Variants in COL24A1 observed in about 807,000 individuals in gnomAD.
The protein encoded by COL24A1 is collagen type XXIV alpha 1 chain, also known as collagen alpha-1(XXIV) chain.
A neutral mutation model predicts 253.9 loss-of-function variants in COL24A1; 224 were observed. The observed-to-expected ratio is 0.88, with a 90% CI of 0.79 to 0.99. The LOEUF (loss-of-function observed/expected upper bound fraction) is 0.99. Ranked by LOEUF, COL24A1 falls within the 50% of genes least tolerant of loss-of-function variation. The pLI, the probability that COL24A1 is intolerant of heterozygous loss-of-function variation, is 0.00. For synonymous variants in COL24A1, 685 were observed against 673.7 expected (o/e 1.02, Z -0.26); for missense variants, 2,131 against 2,068.5 (o/e 1.03, Z -0.59).
At chr1:86,007,233 CA>C (rs1696057605) in intron 19 of COL24A1, among the ~76,000 whole-genome samples, 8 of 151,874 alleles carry the variant, frequency 5.3e-5, no homozygotes, top group Non-Finnish European at 7.4e-5. Context: ...AACAAACAAA[CA>C]AACCCACCAC....
At chr1:85,755,003 C>T (rs752480013) in intron 55 of COL24A1, among the ~76,000 whole-genome samples, 1 of 152,092 alleles carries the variant, frequency 6.6e-6, no homozygotes, top group Non-Finnish European at 1.5e-5. Flanking sequence ...CCAGACACAT[C>T]ATAATCAAAC....
chr1:85,763,658 A>AT (rs530875238), intron 53 of COL24A1, among the ~76,000 whole-genome samples: 424 of 150,942 alleles, frequency 2.8e-3, no homozygotes, highest in African/African-American at 7.2e-3. Context: ...CTCCTGGCTA[A>AT]TTTTTTTTGT....
chr1:85,953,986 C>A (rs1690186982), intron 24 of COL24A1, among the ~76,000 whole-genome samples: 1 of 152,104 alleles, frequency 6.6e-6, no homozygotes, highest in Non-Finnish European at 1.5e-5. Context: ...ATACTCACAT[C>A]TGAAAAAGAC....
At chr1:85,923,059 A>G (rs1273849568) in intron 24 of COL24A1, among the ~76,000 whole-genome samples, 1 of 152,242 alleles carries the variant, frequency 6.6e-6, no homozygotes, top group Non-Finnish European at 1.5e-5. Context: ...AACAAAGATC[A>G]AAAGAGACAA....
chr1:85,957,593 C>T (rs966124957), intron 24 of COL24A1, among the ~76,000 whole-genome samples: 2 of 152,140 alleles, frequency 1.3e-5, no homozygotes, highest in African/African-American at 2.4e-5. Flanking sequence ...AGGATCCTCC[C>T]CTGATTTGCA....
At chr1:86,087,427 A>G (rs1703143448) in intron 7 of COL24A1, among the ~76,000 whole-genome samples, 2 of 152,150 alleles carry the variant, frequency 1.3e-5, no homozygotes, top group Non-Finnish European at 2.9e-5. Flanking sequence ...ATCTGCTCTA[A>G]TGGTTAAAAT....
chr1:85,809,575 A>C (rs901320503), intron 47 of COL24A1, among the ~76,000 whole-genome samples: 2 of 152,032 alleles, frequency 1.3e-5, no homozygotes, highest in African/African-American at 4.8e-5. Flanking sequence ...CCTCCTCCAA[A>C]GTAGAGATAA....
At chr1:85,877,083 A>G (rs748005648) in intron 33 of COL24A1, 39 bp downstream of exon 33, 3 of 1,468,014 alleles carry the variant, frequency 2.0e-6, no homozygotes, top group African/African-American at 1.4e-5. Flanking sequence ...TACAAAAAGT[A>G]GAATATTTAT....
intron 47 of COL24A1, among the ~76,000 whole-genome samples, chr1:85,813,006 T>G (rs1462571150): frequency 6.6e-6 from 1 of 152,148 alleles, no homozygotes; most frequent in African/African-American, 2.4e-5. Flanking sequence ...TAGACATAGA[T>G]TTGCTATTCT....
At chr1:85,806,126 A>G (rs982948590) in intron 47 of COL24A1, among the ~76,000 whole-genome samples, 37 of 151,790 alleles carry the variant, frequency 2.4e-4, no homozygotes, top group African/African-American at 8.2e-4. Context: ...TCCTCCTTTT[A>G]TATTAAATAA....
chr1:85,855,393 T>C (rs999281314), intron 37 of COL24A1, among the ~76,000 whole-genome samples: 1 of 152,194 alleles, frequency 6.6e-6, no homozygotes, highest in East Asian at 1.9e-4. Context: ...GTACTTTCAA[T>C]GTCAAGTTTG....
chr1:86,110,592 G>C (rs60449940), intron 5 of COL24A1, among the ~76,000 whole-genome samples: 6 of 151,932 alleles, frequency 3.9e-5, no homozygotes, highest in African/African-American at 1.5e-4. Context: ...GGCTGCGTGC[G>C]GCGCTCGCGA....
chr1:85,903,034 T>C (rs1038556779), intron 28 of COL24A1, among the ~76,000 whole-genome samples: 2 of 150,888 alleles, frequency 1.3e-5, no homozygotes, highest in Admixed American at 6.7e-5. Flanking sequence ...CATAAATACG[T>C]ACAAATACGT....
At position 86,063,383 on chromosome 1, in the gene COL24A1, T is replaced by TGTGTGTGTGTG. The variant is rs1376429091; in HGVS notation, c.1752+331_1752+332insCACACACACAC. Among the ~76,000 whole-genome samples the TGTGTGTGTGTG allele has an allele frequency of 2.4e-4, 35 of 144,464 alleles. No homozygotes were observed. The East Asian group carries it at 3.8e-3, about 16-fold the overall frequency. The allele number at this position is 144,464 out of a possible 152,430, so 94.8% of individuals were successfully genotyped here. A position where few individuals can be genotyped will look rare whatever the true frequency, so the allele number is the denominator to read the frequency against. On this transcript the variant is annotated intron_variant, in intron 8 of 59. Coordinates refer to ENST00000370571, the MANE Select transcript of COL24A1 (RefSeq NM_152890.7). ...TCTGTGTGTGTGTGTGTGTGTGTGT[T>TGTGTGTGTGTG]TGTATGTGTATGGATATGTATATTT...
chr1:85,758,821 A>G (rs1666541986), intron 55 of COL24A1, among the ~76,000 whole-genome samples: 1 of 152,150 alleles, frequency 6.6e-6, no homozygotes, highest in Non-Finnish European at 1.5e-5. Context: ...ATTTTTTTAA[A>G]TTGAGGTAAA....
chr1:85,955,612 C>T (rs1033474976), intron 24 of COL24A1, among the ~76,000 whole-genome samples: 4 of 152,086 alleles, frequency 2.6e-5, no homozygotes, highest in Admixed American at 2.0e-4. Context: ...GGTTTGACAG[C>T]GGGACACCAA....
chr1:85,775,034 TG>T (rs1469686404), intron 53 of COL24A1, among the ~76,000 whole-genome samples: 1 of 152,252 alleles, frequency 6.6e-6, no homozygotes, highest in Non-Finnish European at 1.5e-5. Context: ...CTCTATACAC[TG>T]CTTTAAATGT....
intron 3 of COL24A1, 128 bp from the exon 4 acceptor site, chr1:86,115,506 T>G: frequency 1.3e-5 from 11 of 818,914 alleles, no homozygotes; most frequent in Non-Finnish European, 2.2e-5. Flanking sequence ...TGATGATTTT[T>G]AAGTAACACG....
chr1:85,966,051 A>G (rs1409089328), intron 22 of COL24A1, among the ~76,000 whole-genome samples: 1 of 152,170 alleles, frequency 6.6e-6, no homozygotes, highest in Non-Finnish European at 1.5e-5. Flanking sequence ...AGAGAGTCCA[A>G]ATAAGCGTCT....
Sources: gnomAD v4.1 joint callset for allele counts (sites outside exome capture counted in the v4.1 genomes callset) on GRCh38, gnomAD v4.1.1 for gene constraint, MANE v1.5 for transcripts, NCBI Gene and HGNC (gene_info 2026-07-23, HGNC 2026-07-21) for gene names.